The following COL28A1 variants were observed in gnomAD, a reference collection of about 807,000 sequenced individuals.
COL28A1 encodes collagen type XXVIII alpha 1 chain.
In COL28A1, 161 loss-of-function variants were observed where a neutral mutation model predicts 150.2. The ratio of observed to expected loss-of-function variants is 1.07; its 90% confidence interval spans 0.94 to 1.22. The LOEUF is 1.22. COL28A1 is among the 50% of genes most tolerant of loss of function. The pLI, the probability that COL28A1 is intolerant of heterozygous loss-of-function variation, is 0.00. For missense variants in COL28A1, 1,617 were observed against 1,388.3 expected, an observed-to-expected ratio of 1.16 and a Z score of -2.62; for synonymous variants, 552 against 469.7, an observed-to-expected ratio of 1.18 and a Z score of -2.26.
intron 20 of COL28A1, 127 bp from the exon 21 acceptor site, chr7:7,440,988 A>G: frequency 2.0e-6 from 1 of 511,010 alleles, no homozygotes; most frequent in Non-Finnish European, 3.6e-6. Flanking sequence ...CCCTGAGCAC[A>G]GCTCAATTGC....
At chr7:7,435,224 G>A (rs192279192) in intron 23 of COL28A1, among the ~76,000 whole-genome samples, 32 of 152,328 alleles carry the variant, frequency 2.1e-4, no homozygotes, top group Non-Finnish European at 3.8e-4. Flanking sequence ...TATATGTAGA[G>A]AGAGATGTAT....
At position 7,456,025 on chromosome 7, in the gene COL28A1, G is replaced by A. The variant is rs1280801136; in HGVS notation, c.1371+19C>T. On this transcript the variant is annotated intron_variant, in intron 16 of 34. Coordinates refer to ENST00000399429, the MANE Select transcript of COL28A1 (RefSeq NM_001037763.3). ...TGGAATGTTCTGCACTGAAGGGAAAGGAAGAATGCATTAATTACCTGTTCC... is the reference window on the plus strand; with the variant it reads ...TGGAATGTTCTGCACTGAAGGGAAAAGAAGAATGCATTAATTACCTGTTCC... 1 of 1,613,688 alleles carries A rather than the reference G, an allele frequency of 6.2e-7. No homozygotes were observed. The highest frequency in any genetic ancestry group is 1.7e-5 in the Admixed American group (1 of 59,982).
chr7:7,471,034 C>T (rs1427160932), intron 15 of COL28A1, among the ~76,000 whole-genome samples: 5 of 140,586 alleles, frequency 3.6e-5, no homozygotes, highest in African/African-American at 1.1e-4. Context: ...GTGGGTGCAG[C>T]GCACCAGCAT....
At chr7:7,516,529 G>GAAT (rs1781423352) in intron 7 of COL28A1, among the ~76,000 whole-genome samples, 1 of 152,248 alleles carries the variant, frequency 6.6e-6, no homozygotes, top group East Asian at 1.9e-4. Context: ...ATACAATAGT[G>GAAT]AATATTACAT....
At chr7:7,507,576 G>A (rs1780881126) in intron 9 of COL28A1, among the ~76,000 whole-genome samples, 1 of 152,122 alleles carries the variant, frequency 6.6e-6, no homozygotes, top group South Asian at 2.1e-4. Flanking sequence ...TCAAAACACT[G>A]AACGTGGCAA....
intron 19 of COL28A1, among the ~76,000 whole-genome samples, chr7:7,443,986 GTTTTTTTTTT>G (rs71010980): frequency 1.0e-5 from 1 of 95,546 alleles, no homozygotes; most frequent in African/African-American, 4.0e-5. Flanking sequence ...TCCATCTGCT[GTTTTTTTTTT>G]TTTTTTTTTT....
chr7:7,427,651 T>C (rs1393454591), intron 25 of COL28A1, among the ~76,000 whole-genome samples: 2 of 152,232 alleles, frequency 1.3e-5, no homozygotes, highest in South Asian at 2.1e-4. Flanking sequence ...GAATTCCACA[T>C]AGACTTGCAT....
At chr7:7,427,529 G>A (rs993495138) in intron 25 of COL28A1, among the ~76,000 whole-genome samples, 5 of 152,098 alleles carry the variant, frequency 3.3e-5, no homozygotes, top group African/African-American at 9.7e-5. Flanking sequence ...TGTGTGAATC[G>A]GTCCTCTGTT....
At chr7:7,510,672 A>C (rs1256759188) in intron 9 of COL28A1, among the ~76,000 whole-genome samples, 1 of 152,156 alleles carries the variant, frequency 6.6e-6, no homozygotes, top group African/African-American at 2.4e-5. Flanking sequence ...GTCTAGTTGC[A>C]CCACACTGTT....
chr7:7,480,404 G>C (rs964516200), intron 13 of COL28A1, among the ~76,000 whole-genome samples: 7 of 152,076 alleles, frequency 4.6e-5, no homozygotes, highest in Non-Finnish European at 8.8e-5. Flanking sequence ...TAATATCCAT[G>C]ACAGTTTATT....
intron 10 of COL28A1, 124 bp from the exon 11 acceptor site, chr7:7,506,191 G>A: frequency 1.6e-6 from 1 of 611,030 alleles, no homozygotes. Context: ...GAGCTAAATT[G>A]AAATCACATT....
chr7:7,441,935 C>T (rs921354793), intron 20 of COL28A1, among the ~76,000 whole-genome samples: 21 of 152,152 alleles, frequency 1.4e-4, no homozygotes, highest in South Asian at 4.1e-4. Flanking sequence ...ATCATTATCA[C>T]TTACCAGTAG....
intron 13 of COL28A1, among the ~76,000 whole-genome samples, chr7:7,478,936 C>T (rs868785502): frequency 5.3e-5 from 8 of 152,234 alleles, no homozygotes; most frequent in South Asian, 4.1e-4. Flanking sequence ...CACACCTCCC[C>T]GCAGGCTGAG....
chr7:7,360,326 G>T, intron 34 of COL28A1, 64 bp downstream of exon 34: 1 of 1,430,508 alleles, frequency 7.0e-7, no homozygotes, highest in Non-Finnish European at 9.2e-7. Flanking sequence ...TCTTTCCTTT[G>T]TGCACCAAAT....
chr7:7,537,300 ATG>A (rs992695506), upstream of COL28A1, among the ~76,000 whole-genome samples: 13 of 152,170 alleles, frequency 8.5e-5, 1 homozygote, highest in Admixed American at 7.2e-4. Context: ...AATGCATCTA[ATG>A]GGCAAAGCTT....
intron 15 of COL28A1, among the ~76,000 whole-genome samples, chr7:7,464,348 C>G (rs1380610326): frequency 6.6e-6 from 1 of 152,108 alleles, no homozygotes; most frequent in African/African-American, 2.4e-5. Context: ...ACCCAACAAC[C>G]ACAAAATATA....
intron 33 of COL28A1, among the ~76,000 whole-genome samples, chr7:7,361,696 A>G (rs9791413): frequency 0.62 from 93,574 of 152,034 alleles, 32,840 homozygotes; most frequent in East Asian, 0.87. Context: ...TTTTTCTTGT[A>G]AATTTGTTTA....
chr7:7,365,302 A>G (rs531282478), intron 33 of COL28A1, among the ~76,000 whole-genome samples: 5 of 78,890 alleles, frequency 6.3e-5, no homozygotes, highest in South Asian at 5.3e-4. Context: ...AACTCTGCAC[A>G]TTTCTACTCC....
intron 18 of COL28A1, among the ~76,000 whole-genome samples, chr7:7,445,614 C>T (rs527927408): frequency 6.6e-5 from 10 of 152,208 alleles, no homozygotes; most frequent in Middle Eastern, 6.8e-3. Context: ...AGTTAATTTA[C>T]GATTAGTAAT....
Sources: gnomAD v4.1 joint callset for allele counts (sites outside exome capture counted in the v4.1 genomes callset) on GRCh38, gnomAD v4.1.1 for gene constraint, MANE v1.5 for transcripts, NCBI Gene and HGNC (gene_info 2026-07-23, HGNC 2026-07-21) for gene names.